Variants in METAP1 observed in about 807,000 individuals in gnomAD.
METAP1 encodes methionine aminopeptidase 1.
Under a neutral mutation model 53.8 loss-of-function variants are expected in METAP1, and 28 were observed. That is an observed-to-expected ratio of 0.52 (90% CI 0.39 to 0.71). The LOEUF is 0.71. Among genes scored for constraint, METAP1 ranks in the 30% least tolerant of loss-of-function variants. The pLI is 0.00. For missense variants in METAP1, 389 were observed against 479.8 expected (o/e 0.81, Z 1.77); for synonymous variants, 181 against 165.7 (o/e 1.09, Z -0.71).
At chr4:99,025,476 T>C in intron 1 of METAP1, 1 of 980,352 alleles carries the variant, frequency 1.0e-6, no homozygotes. Flanking sequence ...CATAGCAAAT[T>C]CCCAGAGATT....
chr4:99,023,940 C>G (rs577913262), intron 1 of METAP1: 4 of 293,804 alleles, frequency 1.4e-5, no homozygotes, highest in East Asian at 1.7e-4. Flanking sequence ...TCAGTCTCCT[C>G]GAGCGTTTGG....
intron 9 of METAP1, among the ~76,000 whole-genome samples, chr4:99,057,044 T>G (rs1381097990): frequency 6.6e-6 from 1 of 152,152 alleles, no homozygotes; most frequent in African/African-American, 2.4e-5. Flanking sequence ...TTTTGTATTT[T>G]TAGTAGAGAC....
chr4:99,052,602 A>G (rs1318142287), intron 9 of METAP1, among the ~76,000 whole-genome samples: 2 of 152,202 alleles, frequency 1.3e-5, no homozygotes, highest in Non-Finnish European at 2.9e-5. Context: ...GTGCTAAACC[A>G]TTCATGAGAA....
chr4:99,022,734 T>C, intron 1 of METAP1: 4 of 1,584,788 alleles, frequency 2.5e-6, no homozygotes, highest in African/African-American at 2.7e-5. Flanking sequence ...GGGCTGCACC[T>C]GTGGGTACCC....
chr4:98,997,175 A>T (rs1722676003), intron 1 of METAP1, among the ~76,000 whole-genome samples: 1 of 152,258 alleles, frequency 6.6e-6, no homozygotes, highest in African/African-American at 2.4e-5. Flanking sequence ...AAATAATAAA[A>T]GTGTTTTCCA....
At chr4:99,049,559 A>G (rs890486925) in intron 9 of METAP1, among the ~76,000 whole-genome samples, 3 of 152,214 alleles carry the variant, frequency 2.0e-5, no homozygotes, top group Admixed American at 6.5e-5. Flanking sequence ...AAGAAAGTGT[A>G]AGATAGATAA....
At chr4:98,996,009 G>C (rs1211616836) in intron 1 of METAP1, 142 bp downstream of exon 1, 2 of 681,204 alleles carry the variant, frequency 2.9e-6, no homozygotes, top group African/African-American at 1.9e-5. Context: ...CCCCCCACCC[G>C]CGTCGCCACC....
At chr4:99,016,339 G>T (rs1448583160) in intron 1 of METAP1, among the ~76,000 whole-genome samples, 2 of 152,132 alleles carry the variant, frequency 1.3e-5, no homozygotes, top group African/African-American at 4.8e-5. Context: ...GGAGGCATTT[G>T]GTCCATCGTA....
In METAP1 at chr4:99,061,322, T is replaced by G; in HGVS notation, c.*5T>G. On this transcript the variant is annotated 3_prime_UTR_variant, in exon 11 of 11. Transcript: ENST00000296411. ...CACTTCATGTCTCAATTTTAATTTCTCCCAAGATGGCACATCTCAGTACCT... is the reference window on the plus strand; with the variant it reads ...CACTTCATGTCTCAATTTTAATTTCGCCCAAGATGGCACATCTCAGTACCT... 1 of 1,611,482 alleles carries G rather than the reference T, an allele frequency of 6.2e-7. No homozygotes were observed. The highest frequency in any genetic ancestry group is 8.5e-7 in the Non-Finnish European group (1 of 1,178,366).
At chr4:99,040,469 C>T (rs1725774092) in intron 5 of METAP1, among the ~76,000 whole-genome samples, 1 of 131,266 alleles carries the variant, frequency 7.6e-6, no homozygotes, top group African/African-American at 2.7e-5. Flanking sequence ...GGAATTCATT[C>T]ATCTATTTTT....
chr4:99,012,523 G>T (rs1051189526), intron 1 of METAP1, among the ~76,000 whole-genome samples: 1 of 151,824 alleles, frequency 6.6e-6, no homozygotes, highest in Admixed American at 6.6e-5. Flanking sequence ...GATCTGCCCC[G>T]CTTGGCCTCC....
intron 6 of METAP1, 80 bp from the exon 7 acceptor site, chr4:99,043,169 C>T (rs1725998277): frequency 1.8e-6 from 2 of 1,117,136 alleles, no homozygotes; most frequent in Non-Finnish European, 2.5e-6. Context: ...ACTGTTTTCA[C>T]ATTTTTCAAA....
At chr4:99,024,213 C>A (rs1008042165) in intron 1 of METAP1, among the ~76,000 whole-genome samples, 3 of 152,152 alleles carry the variant, frequency 2.0e-5, no homozygotes, top group Non-Finnish European at 4.4e-5. Context: ...CAGTCACGTA[C>A]CCCCTGCTTG....
At chr4:99,050,579 A>G (rs62325202) in intron 9 of METAP1, among the ~76,000 whole-genome samples, 5,285 of 152,250 alleles carry the variant, frequency 0.035, 115 homozygotes, top group African/African-American at 0.05. Flanking sequence ...ACAGGTACCA[A>G]TCCATGGCCT....
intron 1 of METAP1, among the ~76,000 whole-genome samples, chr4:99,004,879 T>C (rs1723106694): frequency 6.6e-6 from 1 of 152,226 alleles, no homozygotes; most frequent in Non-Finnish European, 1.5e-5. Flanking sequence ...CACTGCTATG[T>C]GATATTCCAA....
At chr4:99,005,570 G>T (rs999444306) in intron 1 of METAP1, among the ~76,000 whole-genome samples, 1 of 151,942 alleles carries the variant, frequency 6.6e-6, no homozygotes, top group Non-Finnish European at 1.5e-5. Flanking sequence ...GAAACCACTG[G>T]GTATCTATCC....
chr4:99,015,100 C>T (rs192516718), intron 1 of METAP1, among the ~76,000 whole-genome samples: 21 of 152,326 alleles, frequency 1.4e-4, no homozygotes, highest in Non-Finnish European at 2.6e-4. Flanking sequence ...GGAAAGGGGA[C>T]AATCTGGGCC....
intron 1 of METAP1, among the ~76,000 whole-genome samples, chr4:99,020,938 C>T (rs527713393): frequency 6.6e-6 from 1 of 150,858 alleles, no homozygotes; most frequent in South Asian, 2.1e-4. Flanking sequence ...TTCTTGCCTC[C>T]TTCATCTCTG....
intron 1 of METAP1, 55 bp downstream of exon 1, chr4:98,995,922 C>G: frequency 7.2e-7 from 1 of 1,386,440 alleles, no homozygotes; most frequent in Non-Finnish European, 1.0e-6. Context: ...CTCCTCGCTT[C>G]TCCCCTGCTG....
Sources: gnomAD v4.1 joint callset for allele counts (sites outside exome capture counted in the v4.1 genomes callset) on GRCh38, gnomAD v4.1.1 for gene constraint, MANE v1.5 for transcripts, NCBI Gene and HGNC (gene_info 2026-07-23, HGNC 2026-07-21) for gene names.